SASH1: variants seen among roughly 807,000 people sequenced by gnomAD.
SASH1 encodes the protein SAM and SH3 domain containing 1.
In SASH1, 44 loss-of-function variants were observed where a neutral mutation model predicts 125.2. That is an observed-to-expected ratio of 0.35 (90% CI 0.28 to 0.45). The LOEUF (loss-of-function observed/expected upper bound fraction) is 0.45, where lower values mean the gene tolerates loss of function less well. Ranked by LOEUF, SASH1 falls within the 20% of genes least tolerant of loss-of-function variation. SASH1 has a pLI of 1.00. For synonymous variants in SASH1, 639 were observed against 649.1 expected (o/e 0.98, Z 0.24); for missense variants, 1,426 against 1,614.5 (o/e 0.88, Z 2.00).
Position 148,551,363 on chromosome 6 carries a change from G to T in SASH1, c.*2805G>T, listed in dbSNP as rs2115484230. ...GGAAAGCACAAAAGAAACCTGGAAAGGCAGTTCGGCTCAGGTAGCTACACA... is the reference window on the plus strand; with the variant it reads ...GGAAAGCACAAAAGAAACCTGGAAATGCAGTTCGGCTCAGGTAGCTACACA... On this transcript the variant is annotated 3_prime_UTR_variant, in exon 20 of 20. Transcript: ENST00000367467. 6.5e-6 allele frequency: 1 copy of T among 152,762 alleles called. No homozygotes were observed. Among genetic ancestry groups the T allele is most frequent in the East Asian group, 1.9e-4 (1 of 5,188 alleles). The allele number at this position is 152,762 out of a possible 1,614,324, so 9.5% of individuals were successfully genotyped here.
At chr6:148,205,015 C>T in the SASH1 span, among the ~76,000 whole-genome samples, 539 of 152,256 alleles carry the variant, frequency 3.5e-3, 6 homozygotes, top group African/African-American at 0.012. Flanking sequence ...CTCTGTCCAG[C>T]GTGCTTTGTC....
chr6:148,207,228 C>T, the SASH1 span, among the ~76,000 whole-genome samples: 1 of 152,216 alleles, frequency 6.6e-6, no homozygotes, highest in African/African-American at 2.4e-5. Flanking sequence ...CTGCATTTGC[C>T]AGCGCAGTAT....
intron 2 of SASH1, among the ~76,000 whole-genome samples, chr6:148,420,334 A>G (rs1326567486): frequency 2.6e-5 from 4 of 152,220 alleles, no homozygotes; most frequent in Non-Finnish European, 4.4e-5. Flanking sequence ...GTATATATAC[A>G]TTGTAGAAAA....
rs147547202 is a variant in SASH1, at chr6:148,289,671, T to C, written n.74+17294T>C. Among the ~76,000 whole-genome samples the C allele has an allele frequency of 1.1e-3, 166 of 152,210 alleles. 1 individual carries two copies. The highest frequency in any genetic ancestry group is 3.9e-3 in the African/African-American group (161 of 41,528). ...TGTCAGACTTGGAGAACATCTGAAA[T>C]ACAGGAATCTAAAAAGAAGTGCAAT... On this transcript the variant is annotated intron_variant and non_coding_transcript_variant, in intron 1 of 3. Coordinates refer to the SASH1 transcript ENST00000367469.
intron 1 of SASH1, among the ~76,000 whole-genome samples, chr6:148,354,886 A>G (rs575169356): frequency 6.6e-6 from 1 of 152,224 alleles, no homozygotes; most frequent in Admixed American, 6.5e-5. Context: ...CAGCATCCCA[A>G]GTAGCTGGGA....
At chr6:148,510,236 G>A (rs1383821343) in intron 8 of SASH1, among the ~76,000 whole-genome samples, 1 of 152,198 alleles carries the variant, frequency 6.6e-6, no homozygotes, top group Non-Finnish European at 1.5e-5. Flanking sequence ...CTGCAGAGGA[G>A]AGGCTGGAAA....
Position 148,387,760 on chromosome 6 carries a change from G to C in SASH1, c.157-2374G>C, listed in dbSNP as rs1031727999. ...TTCTTTTCTTTCTTTCTTTGACGGA[G>C]TTTCACTCTGCTGCCCTGGCCAGGT... On this transcript the variant is annotated intron_variant, in intron 1 of 19. Transcript: ENST00000367467. Among the ~76,000 whole-genome samples, 8 of 149,058 alleles carry C rather than the reference G, an allele frequency of 5.4e-5. No homozygotes were observed. The East Asian group carries it at 1.2e-3, about 22-fold the overall frequency.
At chr6:148,375,111 C>T (rs1057498730) in intron 1 of SASH1, among the ~76,000 whole-genome samples, 1 of 152,042 alleles carries the variant, frequency 6.6e-6, no homozygotes, top group African/African-American at 2.4e-5. Context: ...CCTCCTCAGC[C>T]TCCCAAATAG....
chr6:148,526,801 C>T (rs538719078), intron 11 of SASH1, among the ~76,000 whole-genome samples: 5 of 151,832 alleles, frequency 3.3e-5, no homozygotes, highest in Admixed American at 1.3e-4. Flanking sequence ...CCAGGCAATT[C>T]GGTAGTATTA....
chr6:148,284,612 A>G (rs568248109), intron 1 of SASH1, among the ~76,000 whole-genome samples: 1 of 152,288 alleles, frequency 6.6e-6, no homozygotes, highest in African/African-American at 2.4e-5. Context: ...ACATAATTTC[A>G]TATCCTAATT....
At chr6:148,547,168 C>T (rs980286740) in intron 19 of SASH1, among the ~76,000 whole-genome samples, 12 of 152,112 alleles carry the variant, frequency 7.9e-5, no homozygotes, top group African/African-American at 1.4e-4. Flanking sequence ...TTGCCACGTG[C>T]GAATGGCCAG....
At chr6:148,470,078 G>T (rs1275545686) in intron 5 of SASH1, among the ~76,000 whole-genome samples, 1 of 151,596 alleles carries the variant, frequency 6.6e-6, no homozygotes, top group African/African-American at 2.4e-5. Context: ...GAAAGAAAAT[G>T]AATATTCCCG....
At chr6:148,410,878 G>A (rs533004546) in intron 2 of SASH1, among the ~76,000 whole-genome samples, 32 of 152,236 alleles carry the variant, frequency 2.1e-4, no homozygotes, top group African/African-American at 6.7e-4. Flanking sequence ...CATAAAAGGC[G>A]GCCGGGCACA....
chr6:148,328,776 G>T (rs1214280405), intron 1 of SASH1, among the ~76,000 whole-genome samples: 2 of 152,078 alleles, frequency 1.3e-5, no homozygotes, highest in Admixed American at 6.6e-5. Flanking sequence ...TGATTGATTT[G>T]TCCCCTTGCT....
At chr6:148,358,524 A>G (rs1023714775) in intron 1 of SASH1, among the ~76,000 whole-genome samples, 3 of 152,142 alleles carry the variant, frequency 2.0e-5, no homozygotes, top group Admixed American at 6.6e-5. Flanking sequence ...AATAATTTTT[A>G]TGGAGGCAGA....
chr6:148,351,608 T>TA (rs905293612), intron 1 of SASH1, among the ~76,000 whole-genome samples: 5 of 144,948 alleles, frequency 3.4e-5, no homozygotes, highest in African/African-American at 7.6e-5. Flanking sequence ...AGGAGCAGAA[T>TA]AAAAAATCTT....
At chr6:148,401,151 G>C (rs1463844082) in intron 2 of SASH1, among the ~76,000 whole-genome samples, 1 of 151,968 alleles carries the variant, frequency 6.6e-6, no homozygotes, top group Non-Finnish European at 1.5e-5. Context: ...CTACTTCGGA[G>C]GTTAAGGTGG....
the SASH1 span, among the ~76,000 whole-genome samples, chr6:148,237,337 G>A: frequency 3.3e-5 from 5 of 151,994 alleles, no homozygotes; most frequent in African/African-American, 1.2e-4. Flanking sequence ...ATTCTTCCTT[G>A]TTCCAGCATA....
chr6:148,436,068 C>T (rs1014006446), intron 2 of SASH1, among the ~76,000 whole-genome samples: 1 of 152,142 alleles, frequency 6.6e-6, no homozygotes, highest in Non-Finnish European at 1.5e-5. Context: ...GTCAGCATGG[C>T]GGACTGTAAT....
Sources: allele counts gnomAD v4.1 joint callset (sites outside exome capture counted in the v4.1 genomes callset), GRCh38; gene constraint gnomAD v4.1.1; transcripts MANE v1.5; gene names NCBI Gene and HGNC (gene_info 2026-07-23, HGNC 2026-07-21).